Variants in ROR1 observed in about 807,000 individuals in gnomAD.
ROR1 encodes inactive tyrosine-protein kinase transmembrane receptor ROR1.
A neutral mutation model predicts 78.8 loss-of-function variants in ROR1; 19 were observed. The ratio of observed to expected loss-of-function variants is 0.24; its 90% CI spans 0.17 to 0.35. ROR1 has a LOEUF of 0.35. Ranked by LOEUF, ROR1 falls within the 10% of genes least tolerant of loss-of-function variation. ROR1 has a pLI of 1.00. For missense variants in ROR1, 917 were observed against 1,177.8 expected, an observed-to-expected ratio of 0.78 and a Z score of 3.24; for synonymous variants, 386 against 433.6, an observed-to-expected ratio of 0.89 and a Z score of 1.36.
chr1:63,812,150 C>G (rs1481292016), intron 1 of ROR1, among the ~76,000 whole-genome samples: 1 of 152,004 alleles, frequency 6.6e-6, no homozygotes, highest in Non-Finnish European at 1.5e-5. Context: ...TTAGTAGAGA[C>G]AGGATTTCAC....
chr1:64,036,764 A>G (rs1327059114), intron 2 of ROR1, among the ~76,000 whole-genome samples: 1 of 152,234 alleles, frequency 6.6e-6, no homozygotes, highest in African/African-American at 2.4e-5. Context: ...TCCAGCAACA[A>G]TCATGTATTA....
At chr1:63,867,983 C>T (rs563279235) in intron 1 of ROR1, among the ~76,000 whole-genome samples, 3 of 152,322 alleles carry the variant, frequency 2.0e-5, no homozygotes, top group South Asian at 2.1e-4. Flanking sequence ...GCCTGGAGGG[C>T]CACACGCCTT....
chr1:63,777,230 T>C (rs879757685), intron 1 of ROR1, among the ~76,000 whole-genome samples: 4 of 152,222 alleles, frequency 2.6e-5, no homozygotes, highest in Non-Finnish European at 4.4e-5. Context: ...GTGGTTTGGC[T>C]GCTGGGAGCC....
At chr1:63,855,519 T>C (rs577711452) in intron 1 of ROR1, among the ~76,000 whole-genome samples, 2 of 152,360 alleles carry the variant, frequency 1.3e-5, no homozygotes, top group East Asian at 3.8e-4. Flanking sequence ...TATCTTATTT[T>C]GGATAGTTTT....
At chr1:63,864,840 G>GT (rs1402690806) in intron 1 of ROR1, among the ~76,000 whole-genome samples, 17 of 133,786 alleles carry the variant, frequency 1.3e-4, no homozygotes, top group African/African-American at 6.5e-4. Flanking sequence ...AAAATTTCAA[G>GT]GTTTTTTTTT....
intron 4 of ROR1, among the ~76,000 whole-genome samples, chr1:64,124,885 C>T (rs1395565902): frequency 2.6e-5 from 4 of 152,162 alleles, no homozygotes; most frequent in Non-Finnish European, 5.9e-5. Flanking sequence ...TATTGAATAA[C>T]GATGTAAGAA....
chr1:63,925,531 T>C (rs975129733), intron 1 of ROR1, among the ~76,000 whole-genome samples: 1 of 152,168 alleles, frequency 6.6e-6, no homozygotes, highest in Non-Finnish European at 1.5e-5. Flanking sequence ...ATATACCCAG[T>C]AATGGGATGG....
intron 7 of ROR1, among the ~76,000 whole-genome samples, chr1:64,151,771 C>T (rs1161078428): frequency 6.6e-6 from 1 of 151,186 alleles, no homozygotes; most frequent in Non-Finnish European, 1.5e-5. Flanking sequence ...GTAATCCCAG[C>T]TACTCAGGAG....
intron 4 of ROR1, among the ~76,000 whole-genome samples, chr1:64,117,936 C>T (rs530427796): frequency 6.6e-6 from 1 of 152,380 alleles, no homozygotes; most frequent in South Asian, 2.1e-4. Context: ...TACCTTGGCC[C>T]ATGCCTGTAA....
intron 1 of ROR1, among the ~76,000 whole-genome samples, chr1:64,002,793 G>T (rs1249836517): frequency 1.3e-5 from 2 of 152,170 alleles, no homozygotes; most frequent in Non-Finnish European, 2.9e-5. Flanking sequence ...TTTAGAATTG[G>T]TGAAACAAAC....
chr1:63,878,627 C>G (rs1645303593), intron 1 of ROR1, among the ~76,000 whole-genome samples: 1 of 152,226 alleles, frequency 6.6e-6, no homozygotes, highest in Admixed American at 6.5e-5. Flanking sequence ...GTGGGTCTAG[C>G]CTCTGCTGAC....
intron 1 of ROR1, among the ~76,000 whole-genome samples, chr1:63,843,955 A>G (rs1645064594): frequency 1.3e-5 from 2 of 151,988 alleles, no homozygotes; most frequent in African/African-American, 4.8e-5. Context: ...CTGCCTGCCT[A>G]TTATCTATAG....
chr1:64,000,139 A>G (rs1414025403), intron 1 of ROR1, among the ~76,000 whole-genome samples: 1 of 152,234 alleles, frequency 6.6e-6, no homozygotes, highest in East Asian at 1.9e-4. Context: ...AAGATGAGTA[A>G]GAAGAAAAAA....
intron 1 of ROR1, among the ~76,000 whole-genome samples, chr1:63,817,324 T>A (rs1644898115): frequency 6.6e-6 from 1 of 152,198 alleles, no homozygotes; most frequent in Non-Finnish European, 1.5e-5. Context: ...GAGAAAGGAC[T>A]ATTTTCAAAG....
At chr1:63,962,480 T>A (rs1379745780) in intron 1 of ROR1, among the ~76,000 whole-genome samples, 1 of 152,164 alleles carries the variant, frequency 6.6e-6, no homozygotes, top group Non-Finnish European at 1.5e-5. Flanking sequence ...TACCTGGAGA[T>A]GTAAGTACAG....
chr1:64,081,574 C>G (rs576956600), intron 4 of ROR1, among the ~76,000 whole-genome samples: 1 of 151,572 alleles, frequency 6.6e-6, no homozygotes, highest in East Asian at 1.9e-4. Flanking sequence ...CTCAGGAGTT[C>G]GAGACCAGCC....
At chr1:64,051,865 A>G (rs1039350931) in intron 4 of ROR1, among the ~76,000 whole-genome samples, 8 of 152,254 alleles carry the variant, frequency 5.3e-5, no homozygotes, top group African/African-American at 1.9e-4. Flanking sequence ...CCTATGGCAA[A>G]TATAACAGCC....
chr1:63,991,663 A>G (rs1417989781), intron 1 of ROR1, among the ~76,000 whole-genome samples: 1 of 152,180 alleles, frequency 6.6e-6, no homozygotes, highest in Non-Finnish European at 1.5e-5. Flanking sequence ...TCTGTGTGGT[A>G]GACTTCACTT....
chr1:64,035,306 G>A lies in ROR1; in HGVS notation c.164-14385G>A, dbSNP rs76550283. On this transcript the variant is annotated intron_variant, in intron 2 of 8. Coordinates refer to ENST00000371079, the MANE Select transcript of ROR1 (RefSeq NM_005012.4). ...CTTTGGAAAGGGTTCCATTGCACAC[G>A]AAGAGGAAGCTTAAGTTAGACAATG... Among the ~76,000 whole-genome samples, 324 of 152,312 alleles carry A rather than the reference G, an allele frequency of 2.1e-3. 1 individual carries two copies. The highest frequency in any genetic ancestry group is 2.4e-3 in the Non-Finnish European group (166 of 68,026).
Sources: allele counts gnomAD v4.1 joint callset (sites outside exome capture counted in the v4.1 genomes callset), GRCh38; gene constraint gnomAD v4.1.1; transcripts MANE v1.5; gene names NCBI Gene and HGNC (gene_info 2026-07-23, HGNC 2026-07-21).